LRTM3: variants seen among roughly 807,000 people sequenced by gnomAD.
LRTM3 encodes the protein leucine-rich repeat transmembrane protein 3.
the LRTM3 span, chr13:102,737,713 T>C: frequency 4.4e-5 from 69 of 1,550,866 alleles, 1 homozygote; most frequent in Middle Eastern, 3.0e-3. Context: ...TTGCTTTTTG[T>C]ACTTCACTTG....
the LRTM3 span, chr13:102,743,363 G>T: frequency 6.4e-7 from 1 of 1,550,462 alleles, no homozygotes; most frequent in Non-Finnish European, 8.7e-7. Flanking sequence ...AGTGAAGGAA[G>T]TTGTATTTGG....
chr13:102,743,726 C>G, the LRTM3 span: 1 of 1,549,470 alleles, frequency 6.5e-7, no homozygotes, highest in Non-Finnish European at 8.7e-7. Flanking sequence ...ATAGGATTTA[C>G]ATTTCTTCCT....
the LRTM3 span, chr13:102,734,984 T>A: frequency 1.3e-6 from 2 of 1,551,194 alleles, no homozygotes; most frequent in South Asian, 2.4e-5. Flanking sequence ...TGGTGATACC[T>A]GGAGTTTTAC....
the LRTM3 span, chr13:102,743,141 T>TGTTCTTGC: frequency 6.4e-7 from 1 of 1,550,612 alleles, no homozygotes; most frequent in Non-Finnish European, 8.7e-7. Flanking sequence ...TTCTGTAAGA[T>TGTTCTTGC]GTTCTTGCTT....
chr13:102,748,665 G>A, the LRTM3 span: 2 of 1,550,386 alleles, frequency 1.3e-6, no homozygotes, highest in Non-Finnish European at 1.7e-6. Flanking sequence ...AGATCAAATG[G>A]TTTTTTACTA....
the LRTM3 span, chr13:102,736,047 C>G: frequency 6.5e-7 from 1 of 1,547,102 alleles, no homozygotes; most frequent in African/African-American, 1.4e-5. Context: ...TTTACTCTGT[C>G]CTTTGCCTCT....
chr13:102,735,966 G>A, the LRTM3 span: 3 of 1,549,348 alleles, frequency 1.9e-6, no homozygotes, highest in Admixed American at 2.0e-5. Context: ...TTGCATAGAA[G>A]TGCAAGTGGG....
chr13:102,735,572 A>G, the LRTM3 span: 6 of 1,551,100 alleles, frequency 3.9e-6, no homozygotes, highest in African/African-American at 1.4e-5. Context: ...GGTATTGAGT[A>G]TATCTGAGAG....
the LRTM3 span, chr13:102,739,177 C>T: frequency 1.4e-5 from 21 of 1,549,434 alleles, no homozygotes; most frequent in South Asian, 7.2e-5. Flanking sequence ...CATCTTCCTG[C>T]GTCATTTTCT....
the LRTM3 span, chr13:102,736,734 C>A: frequency 4.5e-6 from 7 of 1,550,454 alleles, no homozygotes; most frequent in African/African-American, 9.6e-5. Flanking sequence ...GATTTCTCTG[C>A]CTTTACAGCT....
At chr13:102,741,232 C>T in the LRTM3 span, 6 of 1,550,042 alleles carry the variant, frequency 3.9e-6, no homozygotes, top group African/African-American at 2.7e-5. Context: ...ACTTTGATTG[C>T]TCTTTTCCCC....
At chr13:102,740,852 G>T in the LRTM3 span, 1 of 1,549,856 alleles carries the variant, frequency 6.5e-7, no homozygotes. Context: ...TACCTTTGGT[G>T]ACTTAATCTG....
the LRTM3 span, chr13:102,743,632 A>T: frequency 2.6e-6 from 4 of 1,550,450 alleles, no homozygotes; most frequent in Non-Finnish European, 3.5e-6. Flanking sequence ...GGAAAGTTGC[A>T]GGTGAGTTTT....
the LRTM3 span, chr13:102,742,443 T>G: frequency 6.5e-7 from 1 of 1,548,260 alleles, no homozygotes; most frequent in Non-Finnish European, 8.7e-7. Context: ...GCAAATGTCT[T>G]GGGATCTGCC....
At chr13:102,754,522 C>G in the LRTM3 span, among the ~76,000 whole-genome samples, 3 of 152,106 alleles carry the variant, frequency 2.0e-5, no homozygotes, top group African/African-American at 7.2e-5. Context: ...TTGCTAACAA[C>G]AAACTGACCC....
chr13:102,750,206 G>A, the LRTM3 span: 8 of 1,551,226 alleles, frequency 5.2e-6, no homozygotes, highest in Non-Finnish European at 1.7e-6. Flanking sequence ...CAATGGCAAA[G>A]ATGAGCTGAT....
the LRTM3 span, chr13:102,744,466 CT>C: frequency 6.4e-7 from 1 of 1,550,638 alleles, no homozygotes; most frequent in Non-Finnish European, 8.7e-7. Flanking sequence ...GAAATGAAGT[CT>C]TTAGACCTTC....
At chr13:102,730,337 A>G in the LRTM3 span, 3 of 1,551,230 alleles carry the variant, frequency 1.9e-6, no homozygotes, top group African/African-American at 1.4e-5. Flanking sequence ...ACTTACTTCA[A>G]GACATGAACA....
the LRTM3 span, chr13:102,748,042 A>T: frequency 6.4e-7 from 1 of 1,550,806 alleles, no homozygotes; most frequent in African/African-American, 1.4e-5. Context: ...TTTCCTTCTC[A>T]TCTGGTAATT....
Sources: gnomAD v4.1 joint callset for allele counts (sites outside exome capture counted in the v4.1 genomes callset) on GRCh38, gnomAD v4.1.1 for gene constraint, MANE v1.5 for transcripts, NCBI Gene and HGNC (gene_info 2026-07-23, HGNC 2026-07-21) for gene names.